Variants in WNT16 observed in about 807,000 individuals in gnomAD.
The protein encoded by WNT16 is Wnt family member 16.
Under a neutral mutation model 35.4 loss-of-function variants are expected in WNT16, and 20 were observed. That is an observed-to-expected ratio of 0.56 (90% CI 0.40 to 0.82). The LOEUF (loss-of-function observed/expected upper bound fraction) is 0.82. WNT16 is among the 40% of genes least tolerant of loss of function. The probability of loss-of-function intolerance (pLI) is 0.00; values close to 1 mark genes in which losing one functional copy is unlikely to be tolerated. For synonymous variants in WNT16, 180 were observed against 179.2 expected (o/e 1.00, Z -0.03); for missense variants, 461 against 466.0 (o/e 0.99, Z 0.10).
chr7:121,335,131 T>A, intron 3 of WNT16, among the ~76,000 whole-genome samples: 1 of 152,084 alleles, frequency 6.6e-6, no homozygotes, highest in Non-Finnish European at 1.5e-5. Flanking sequence ...AAAACTTAGA[T>A]CATCTGATAG....
chr7:121,335,229 A>G (rs926396381), intron 3 of WNT16, among the ~76,000 whole-genome samples: 1 of 152,120 alleles, frequency 6.6e-6, no homozygotes, highest in Non-Finnish European at 1.5e-5. Context: ...TTTACTGAAA[A>G]ACAATCGCCA....
chr7:121,329,387 T>C lies in WNT16; in HGVS notation c.95T>C (p.Met32Thr), dbSNP rs748746637. The C allele has an allele frequency of 6.2e-7, 1 of 1,611,468 alleles. No homozygotes were observed. The highest frequency in any genetic ancestry group is 1.7e-5 in the Admixed American group (1 of 59,756). Residue 32 changes from methionine to threonine, a missense_variant and splice_region_variant, in exon 1 of 4, where the codon ATG (methionine) becomes ACG (threonine). Coordinates refer to ENST00000222462, the MANE Select transcript of WNT16 (RefSeq NM_057168.2). ...LFPYGAQGNWMWLGIASFGVP... is the reference protein window; with the variant it reads ...LFPYGAQGNWTWLGIASFGVP... ...CCCTACGGAGCCCAAGGAAACTGGATGTGAGTATGGAGGTGGCAGGGAAGC... is the reference window on the plus strand; with the variant it reads ...CCCTACGGAGCCCAAGGAAACTGGACGTGAGTATGGAGGTGGCAGGGAAGC...
intron 3 of WNT16, 129 bp from the exon 4 acceptor site, chr7:121,338,752 G>A (rs1793478955): frequency 4.9e-6 from 4 of 821,440 alleles, no homozygotes; most frequent in East Asian, 2.7e-5. Context: ...GATTATTTAC[G>A]TTCAAAACCA....
In WNT16 at chr7:121,329,245, G is replaced by C; in HGVS notation, c.-48G>C. ...TGCGGCCCGAAGGGCCTCTGGGGAGGGGGTGCAAAAGAGGAGCGGCTGGGC... is the reference window on the plus strand; with the variant it reads ...TGCGGCCCGAAGGGCCTCTGGGGAGCGGGTGCAAAAGAGGAGCGGCTGGGC... On this transcript the variant is annotated 5_prime_UTR_variant, in exon 1 of 4. Transcript: ENST00000222462. 2 of 1,495,478 alleles carry C rather than the reference G, an allele frequency of 1.3e-6. No individual in the cohort carries two copies. 92.6% of individuals were successfully genotyped at this position (1,495,478 alleles called of 1,614,324 possible).
In WNT16 at chr7:121,329,043, C is replaced by T. The variant is rs965638524; in HGVS notation, c.-250C>T. 8.0e-7 allele frequency: 1 copy of T among 1,245,468 alleles called. No individual in the cohort carries two copies. Among genetic ancestry groups the T allele is most frequent in the South Asian group, 3.7e-5 (1 of 27,114 alleles). 77.2% of individuals were successfully genotyped at this position (1,245,468 alleles called of 1,614,324 possible). On this transcript the variant is annotated 5_prime_UTR_variant, in exon 1 of 4. Transcript: ENST00000222462. ...AGGAATGCGAGGGGCGCTCCCGCAT[C>T]TCCTGCACATCTCCACCCCTGCGCA...
In WNT16 at chr7:121,329,579, T is replaced by A. The variant is rs889794109; in HGVS notation, c.108T>A (p.Ile36=). Residue 36 remains isoleucine (I), a synonymous_variant, in exon 2 of 4, where the codon ATT becomes ATA. Coordinates refer to ENST00000222462, the MANE Select transcript of WNT16 (RefSeq NM_057168.2). The part of the protein sequence containing the change: ...GAQGNWMWLG[I]ASFGVPEKLG... ...CCGTGTCTTACAGGTGGTTGGGCAT[T>A]GCCTCCTTCGGGGTTCCAGAGAAGC... 5.0e-6 allele frequency: 8 copies of A among 1,614,104 alleles called. No homozygotes were observed. The African/African-American group carries it at 1.1e-4, about 22-fold the overall frequency.
At position 121,338,934 on chromosome 7, in the gene WNT16, C is replaced by T; in HGVS notation, c.687C>T (p.Ser229=). ...VDCRCHGVSG[S]CAVKTCWKTM... Reference sequence around the variant, plus strand: ...GCCGCTGCCACGGAGTTTCCGGCTCCTGTGCTGTGAAAACATGCTGGAAAA... The same window carrying T: ...GCCGCTGCCACGGAGTTTCCGGCTCTTGTGCTGTGAAAACATGCTGGAAAA... Residue 229 remains serine (S), a synonymous_variant, in exon 4 of 4, where the codon TCC becomes TCT. Coordinates refer to ENST00000222462, the MANE Select transcript of WNT16 (RefSeq NM_057168.2). The T allele has an allele frequency of 6.2e-7, 1 of 1,614,106 alleles. No homozygotes were observed. Among genetic ancestry groups the T allele is most frequent in the East Asian group, 2.2e-5 (1 of 44,882 alleles).
At chr7:121,325,367 A>C (rs372437437), upstream of WNT16, 2 of 1,587,742 alleles carry the variant, frequency 1.3e-6, no homozygotes, top group African/African-American at 2.7e-5. Flanking sequence ...TGCCCCTCTC[A>C]GCCTGCAAAA....
chr7:121,325,409 G>GGCAC (rs1793228655), upstream of WNT16: 1 of 1,464,976 alleles, frequency 6.8e-7, no homozygotes, highest in Non-Finnish European at 9.3e-7. Context: ...AAGATGGAAA[G>GGCAC]GCACCCATGC....
At position 121,329,176 on chromosome 7, in the gene WNT16, A is replaced by G; in HGVS notation, c.-117A>G. ...TGCTGGCCTTTTAATGTTGTATGCA[A>G]GGAGGAAGAGGGCGAGGGATAACTT... is the stretch of plus-strand genomic sequence containing the variant. On this transcript the variant is annotated 5_prime_UTR_variant, in exon 1 of 4. Coordinates refer to ENST00000222462, the MANE Select transcript of WNT16 (RefSeq NM_057168.2). The G allele has an allele frequency of 7.0e-7, 1 of 1,431,578 alleles. No homozygotes were observed. Among genetic ancestry groups the G allele is most frequent in the Non-Finnish European group, 9.1e-7 (1 of 1,096,432 alleles). The allele number at this position is 1,431,578 out of a possible 1,614,324, so 88.7% of individuals were successfully genotyped here. A position where few individuals can be genotyped will look rare whatever the true frequency, so the allele number is the denominator to read the frequency against.
At chr7:121,325,679 C>A (rs1316211230), upstream of WNT16, among the ~76,000 whole-genome samples, 2 of 151,764 alleles carry the variant, frequency 1.3e-5, no homozygotes, top group African/African-American at 4.8e-5. Flanking sequence ...CCTAACATAT[C>A]TCTCTCTATA....
At position 121,329,734 on chromosome 7, in the gene WNT16, A is replaced by G; in HGVS notation, c.263A>G (p.Glu88Gly). The G allele has an allele frequency of 6.2e-7, 1 of 1,612,044 alleles. No individual in the cohort carries two copies. The highest frequency in any genetic ancestry group is 1.3e-5 in the African/African-American group (1 of 75,040). ...IQECGSQFRHERWNCMITAAA... is the reference protein window; with the variant it reads ...IQECGSQFRHGRWNCMITAAA... ...GAGTGCGGGAGCCAGTTCAGACACGAGAGATGGAACTGCATGATCACCGCC... is the reference window on the plus strand; with the variant it reads ...GAGTGCGGGAGCCAGTTCAGACACGGGAGATGGAACTGCATGATCACCGCC... The change falls in exon 2 of 4, where the codon GAG becomes GGG. Residue 88 changes from glutamate (E) to glycine (G), a missense_variant. Transcript: ENST00000222462.
chr7:121,340,355 A>G lies in WNT16; in HGVS notation c.*1010A>G, dbSNP rs1222296149. 6.6e-6 allele frequency: 1 copy of G among 152,180 alleles called. No individual in the cohort carries two copies. The highest frequency in any genetic ancestry group is 1.5e-5 in the Non-Finnish European group (1 of 67,986). 9.4% of individuals were successfully genotyped at this position (152,180 alleles called of 1,614,324 possible). On this transcript the variant is annotated 3_prime_UTR_variant, in exon 4 of 4. Transcript: ENST00000222462. ...TTAAAACATTTATTGACAAAGCCTA[A>G]GAGCTAAGGCAGTAAAATTATCTCA... is the stretch of plus-strand genomic sequence containing the variant.
upstream of WNT16, among the ~76,000 whole-genome samples, chr7:121,328,580 A>G (rs974287772): frequency 8.5e-5 from 13 of 152,192 alleles, no homozygotes; most frequent in Non-Finnish European, 1.8e-4. Context: ...CTCTGACTCA[A>G]AAAGATTATT....
chr7:121,328,240 G>A (rs753153589), upstream of WNT16, among the ~76,000 whole-genome samples: 1 of 152,162 alleles, frequency 6.6e-6, no homozygotes, highest in African/African-American at 2.4e-5. Flanking sequence ...GAATCGTAAG[G>A]TAGGACTGGA....
At chr7:121,325,369 C>T (rs753590017), upstream of WNT16, 1 of 1,589,788 alleles carries the variant, frequency 6.3e-7, no homozygotes, top group Non-Finnish European at 8.6e-7. Flanking sequence ...CCCCTCTCAG[C>T]CTGCAAAAAC....
chr7:121,328,528 A>G (rs573561910), upstream of WNT16, among the ~76,000 whole-genome samples: 1 of 152,276 alleles, frequency 6.6e-6, no homozygotes, highest in East Asian at 1.9e-4. Context: ...TGACAGTGGG[A>G]CCTCAAGCAG....
intron 2 of WNT16, among the ~76,000 whole-genome samples, chr7:121,330,714 GA>G (rs11371537): frequency 0.018 from 1,565 of 88,142 alleles, 44 homozygotes; most frequent in Admixed American, 0.11. Flanking sequence ...CCCGTAGAGA[GA>G]AAAAAAAAAA....
At chr7:121,330,709 A>T (rs1793330692) in intron 2 of WNT16, among the ~76,000 whole-genome samples, 1 of 97,022 alleles carries the variant, frequency 1.0e-5, no homozygotes, top group Non-Finnish European at 2.0e-5. Context: ...TGGTCCCCGT[A>T]GAGAGAAAAA....
Sources: gnomAD v4.1 joint callset for allele counts (sites outside exome capture counted in the v4.1 genomes callset) on GRCh38, gnomAD v4.1.1 for gene constraint, MANE v1.5 for transcripts, NCBI Gene and HGNC (gene_info 2026-07-23, HGNC 2026-07-21) for gene names.